Variants in ZPLD1 observed in about 807,000 individuals in gnomAD.
ZPLD1 encodes the protein zona pellucida like domain containing 1.
ZPLD1 carries 34 observed loss-of-function variants against 47.2 expected under a neutral mutation model. The ratio of observed to expected loss-of-function variants is 0.72; its 90% CI spans 0.55 to 0.96. ZPLD1 has a LOEUF of 0.96. Among genes scored for constraint, ZPLD1 ranks in the 40% least tolerant of loss-of-function variants. The pLI, the probability that ZPLD1 is intolerant of heterozygous loss-of-function variation, is 0.00. For missense variants in ZPLD1, 512 were observed against 505.8 expected (o/e 1.01, Z -0.12); for synonymous variants, 176 against 186.2 (o/e 0.95, Z 0.45).
Position 102,388,365 on chromosome 3 carries a change from CTT to C in ZPLD1, c.-213+3049_-213+3050del, listed in dbSNP as rs1417897773. 4.6e-5 allele frequency among the ~76,000 whole-genome samples: 7 copies of C among 151,080 alleles called. No homozygotes were observed. The East Asian group carries it at 1.4e-3, about 29-fold the overall frequency. On this transcript the variant is annotated intron_variant, in intron 6 of 17. Transcript: ENST00000491959. ...ATCTTTATCTTCAATTATTTTATAA[CTT>C]ATTATTTGGGCTATAATTTTTAAAA...
At chr3:102,421,441 T>C (rs956530559) in intron 8 of ZPLD1, among the ~76,000 whole-genome samples, 1 of 151,908 alleles carries the variant, frequency 6.6e-6, no homozygotes, top group African/African-American at 2.4e-5. Flanking sequence ...CTTTTAGAGA[T>C]TTAAAATTGT....
intron 8 of ZPLD1, among the ~76,000 whole-genome samples, chr3:102,424,562 C>T (rs1421467984): frequency 6.6e-6 from 1 of 152,172 alleles, no homozygotes; most frequent in African/African-American, 2.4e-5. Flanking sequence ...TTTGCTACTT[C>T]TGCGAACCCA....
rs143303657 is a variant in ZPLD1 at position 102,419,635 on chromosome 3, A to AT, written c.-9+1441dup. Among the ~76,000 whole-genome samples the AT allele has an allele frequency of 9.3e-3, 1,353 of 144,742 alleles. 23 individuals carry two copies. Among genetic ancestry groups the AT allele is most frequent in the Admixed American group, 0.038 (550 of 14,424 alleles). 95.0% of individuals were successfully genotyped at this position (144,742 alleles called of 152,430 possible). A position where few individuals can be genotyped will look rare whatever the true frequency, so the allele number is the denominator to read the frequency against. Reference sequence around the variant, plus strand: ...ATAATGCAGAGGTAATAAACGACTGATTTTTTTTTTTTTGCAAGGAATCTC... The same window carrying AT: ...ATAATGCAGAGGTAATAAACGACTGATTTTTTTTTTTTTTGCAAGGAATCTC... On this transcript the variant is annotated intron_variant, in intron 8 of 17. Coordinates refer to the ZPLD1 transcript ENST00000491959.
intron 4 of ZPLD1, 76 bp from the exon 5 acceptor site, chr3:102,456,117 G>A (rs958182708): frequency 1.6e-6 from 2 of 1,245,896 alleles, no homozygotes; most frequent in Non-Finnish European, 2.2e-6. Context: ...TTTGCTTAAT[G>A]TTTTATTTTG....
At chr3:102,459,506 A>G (rs754627437) in intron 6 of ZPLD1, among the ~76,000 whole-genome samples, 27 of 152,198 alleles carry the variant, frequency 1.8e-4, no homozygotes, top group Non-Finnish European at 8.8e-5. Flanking sequence ...TTTTATCATT[A>G]AGAGATGGTA....
chr3:102,390,890 C>T (rs1048003450), intron 6 of ZPLD1, among the ~76,000 whole-genome samples: 1 of 151,938 alleles, frequency 6.6e-6, no homozygotes, highest in Non-Finnish European at 1.5e-5. Context: ...TTGGAAAGCA[C>T]CTCAAATAAT....
intron 7 of ZPLD1, among the ~76,000 whole-genome samples, chr3:102,410,248 T>G (rs1032583652): frequency 2.6e-5 from 4 of 151,760 alleles, no homozygotes; most frequent in Admixed American, 6.6e-5. Context: ...ATGGATGCAC[T>G]CCCACCCTGA....
chr3:102,400,912 C>A lies in ZPLD1; in HGVS notation c.-157+8687C>A, dbSNP rs188019055. Among the ~76,000 whole-genome samples, 37 of 152,206 alleles carry A rather than the reference C, an allele frequency of 2.4e-4. No homozygotes were observed. The East Asian group carries it at 7.0e-3, about 29-fold the overall frequency. ...ATGATATTCAGCATGAGGCTACTAA[C>A]CCAGACCAGGAGCTGACCACAGGTG... is the stretch of plus-strand genomic sequence containing the variant. On this transcript the variant is annotated intron_variant, in intron 7 of 17. Transcript: ENST00000491959.
chr3:102,466,589 A>G (rs113412751), intron 8 of ZPLD1, among the ~76,000 whole-genome samples: 29 of 152,142 alleles, frequency 1.9e-4, no homozygotes, highest in Non-Finnish European at 3.5e-4. Flanking sequence ...TAAGGATAGG[A>G]CAGTAAAAGC....
In ZPLD1 at chr3:102,456,348, C is replaced by T. The variant is rs773557520; in HGVS notation, c.483C>T (p.Tyr161=). The T allele has an allele frequency of 1.2e-6, 2 of 1,612,622 alleles. No individual in the cohort carries two copies. The highest frequency in any genetic ancestry group is 8.5e-7 in the Non-Finnish European group (1 of 1,179,416). ...TTAGTTGTAGTTATCCATTGGAATA[C>T]CTGGTTAATAATACCCAGCTTGCTT... is the stretch of plus-strand genomic sequence containing the variant. The part of the protein sequence containing the change: ...YKFSCSYPLE[Y]LVNNTQLASS... The change falls in exon 5 of 12, where the codon TAC becomes TAT. Residue 161 remains tyrosine (Y), a synonymous_variant. Coordinates refer to ENST00000466937, the MANE Select transcript of ZPLD1 (RefSeq NM_001329788.2).
chr3:102,398,895 C>T (rs1408459723), intron 7 of ZPLD1, among the ~76,000 whole-genome samples: 1 of 152,196 alleles, frequency 6.6e-6, no homozygotes, highest in African/African-American at 2.4e-5. Context: ...CACACACACA[C>T]ACACACATAT....
intron 10 of ZPLD1, among the ~76,000 whole-genome samples, chr3:102,476,582 C>G (rs1003403588): frequency 2.0e-5 from 3 of 151,950 alleles, no homozygotes; most frequent in Non-Finnish European, 4.4e-5. Context: ...TAGAGTGGCA[C>G]TAAATAATGA....
intron 1 of ZPLD1, among the ~76,000 whole-genome samples, chr3:102,435,918 G>A (rs1388890891): frequency 6.6e-6 from 1 of 151,998 alleles, no homozygotes; most frequent in African/African-American, 2.4e-5. Flanking sequence ...CTGGGATTAC[G>A]GGCGTGAGCC....
At chr3:102,459,045 G>C (rs1342969478) in intron 6 of ZPLD1, among the ~76,000 whole-genome samples, 5 of 121,316 alleles carry the variant, frequency 4.1e-5, no homozygotes, top group African/African-American at 1.6e-4. Flanking sequence ...AGCCGAGATA[G>C]CACCACTGCA....
At chr3:102,447,129 A>G (rs962886025) in intron 3 of ZPLD1, among the ~76,000 whole-genome samples, 2 of 151,798 alleles carry the variant, frequency 1.3e-5, no homozygotes, top group African/African-American at 2.4e-5. Context: ...GCAGTGGCAC[A>G]CTCTCGGCTC....
At chr3:102,440,188 TA>T (rs1413060057) in intron 3 of ZPLD1, among the ~76,000 whole-genome samples, 24 of 152,346 alleles carry the variant, frequency 1.6e-4, no homozygotes, top group African/African-American at 5.5e-4. Flanking sequence ...TGAGTCTTTT[TA>T]AACATATCTT....
intron 10 of ZPLD1, 72 bp downstream of exon 10, chr3:102,470,574 G>C (rs1282351457): frequency 5.4e-5 from 67 of 1,248,886 alleles, no homozygotes; most frequent in Non-Finnish European, 7.4e-5. Flanking sequence ...CTTCTAACGA[G>C]AACTCAAAGT....
chr3:102,395,501 C>T (rs1031958918), intron 7 of ZPLD1, among the ~76,000 whole-genome samples: 1 of 152,088 alleles, frequency 6.6e-6, no homozygotes, highest in African/African-American at 2.4e-5. Flanking sequence ...TAGGCAGCCT[C>T]TGGGGGCTGG....
At chr3:102,456,591 ATCTC>A (rs1342136483) in intron 5 of ZPLD1, among the ~76,000 whole-genome samples, 3 of 145,008 alleles carry the variant, frequency 2.1e-5, no homozygotes, top group African/African-American at 7.8e-5. Context: ...CTATCTATCT[ATCTC>A]TAATTGTTAT....
Sources: allele counts gnomAD v4.1 joint callset (sites outside exome capture counted in the v4.1 genomes callset), GRCh38; gene constraint gnomAD v4.1.1; transcripts MANE v1.5; gene names NCBI Gene and HGNC (gene_info 2026-07-23, HGNC 2026-07-21).